Variants in VLDLR observed in about 807,000 individuals in gnomAD.
The protein encoded by VLDLR is very low-density lipoprotein receptor.
Under a neutral mutation model 112.7 loss-of-function variants are expected in VLDLR, and 81 were observed. The observed-to-expected ratio is 0.72, with a 90% CI of 0.60 to 0.86. VLDLR has a LOEUF of 0.86. Among genes scored for constraint, VLDLR ranks in the 40% least tolerant of loss-of-function variants. VLDLR has a pLI of 0.00. For synonymous variants in VLDLR, 436 were observed against 384.8 expected, an observed-to-expected ratio of 1.13 and a Z score of -1.56; for missense variants, 1,237 against 1,099.4, an observed-to-expected ratio of 1.13 and a Z score of -1.77.
At chr9:2,646,262 A>G in intron 10 of VLDLR, 72 bp from the exon 11 acceptor site, 2 of 1,471,942 alleles carry the variant, frequency 1.4e-6, no homozygotes, top group Non-Finnish European at 9.5e-7. Flanking sequence ...ACCATTTTGT[A>G]AGCAAAAAGT....
intron 18 of VLDLR, 114 bp from the exon 19 acceptor site, chr9:2,653,719 C>G (rs34745933): frequency 9.2e-7 from 1 of 1,089,226 alleles, no homozygotes; most frequent in Non-Finnish European, 1.4e-6. Flanking sequence ...GACTTTTCTT[C>G]TAAGCACTCT....
At chr9:2,635,396 G>A (rs1817556067) in intron 1 of VLDLR, 57 bp from the exon 2 acceptor site, 3 of 1,611,638 alleles carry the variant, frequency 1.9e-6, no homozygotes, top group East Asian at 2.2e-5. Flanking sequence ...ATGGGTATTA[G>A]GTATCTTGAA....
chr9:2,628,413 G>T (rs1426683514), intron 1 of VLDLR, among the ~76,000 whole-genome samples: 1 of 152,228 alleles, frequency 6.6e-6, no homozygotes, highest in Non-Finnish European at 1.5e-5. Context: ...GGGGAAGTGA[G>T]TGGGTCCCCT....
intron 16 of VLDLR, 151 bp from the exon 17 acceptor site, chr9:2,651,723 T>TA: frequency 2.2e-6 from 2 of 914,890 alleles, no homozygotes; most frequent in South Asian, 2.9e-5. Context: ...GTGACTCAAA[T>TA]ACTTCTAAGC....
In VLDLR at chr9:2,653,820, T is replaced by G. The variant is rs1818469818; in HGVS notation, c.2587-13T>G. 6.2e-7 allele frequency: 1 copy of G among 1,613,942 alleles called. No individual in the cohort carries two copies. The highest frequency in any genetic ancestry group is 1.1e-5 in the South Asian group (1 of 91,076). ...GATCACCAAGCTCATTCTATACTTCTTCTTTTCCACAGATATCAGTTGTAA... is the reference window on the plus strand; with the variant it reads ...GATCACCAAGCTCATTCTATACTTCGTCTTTTCCACAGATATCAGTTGTAA... On this transcript the variant is annotated splice_polypyrimidine_tract_variant and intron_variant, in intron 18 of 18. Transcript: ENST00000382100.
chr9:2,639,944 C>T lies in VLDLR; in HGVS notation c.288C>T (p.Asp96=). 1 of 1,614,220 alleles carries T rather than the reference C, an allele frequency of 6.2e-7. No individual in the cohort carries two copies. Among genetic ancestry groups the T allele is most frequent in the Non-Finnish European group, 8.5e-7 (1 of 1,180,050 alleles). Reference sequence around the variant, plus strand: ...GATGGAAGTGTGATGGAGATCCTGACTGCGAAGATGGTTCAGATGAAAGCC... The same window carrying T: ...GATGGAAGTGTGATGGAGATCCTGATTGCGAAGATGGTTCAGATGAAAGCC... ...PSRWKCDGDP[D]CEDGSDESPE... is the part of the protein sequence containing the mutation. Residue 96 remains aspartate (D), a synonymous_variant, in exon 3 of 19, where the codon GAC becomes GAT. Coordinates refer to ENST00000382100, the MANE Select transcript of VLDLR (RefSeq NM_003383.5).
At position 2,651,475 on chromosome 9, in the gene VLDLR, C is replaced by T. The variant is rs777236202; in HGVS notation, c.2312C>T (p.Ala771Val). ...TKDTNTTEIS[A>V]TSGLVPGGIN... ...GATACGAACACAACAGAAATTTCAG[C>T]AACTAGTGGACTAGTTCCTGGAGGT... The change falls in exon 16 of 19, where the codon GCA becomes GTA. Residue 771 changes from alanine (A) to valine (V), a missense_variant. By Grantham distance (64) the Ala-to-Val change is moderately conservative. Transcript: ENST00000382100. The T allele has an allele frequency of 1.9e-6, 3 of 1,613,864 alleles. No homozygotes were observed. The highest frequency in any genetic ancestry group is 2.5e-6 in the Non-Finnish European group (3 of 1,179,886).
At chr9:2,648,872 T>C in intron 14 of VLDLR, 62 bp downstream of exon 14, 1 of 1,607,706 alleles carries the variant, frequency 6.2e-7, no homozygotes. Context: ...ACACAGAACC[T>C]GCTGGATGTC....
At position 2,651,670 on chromosome 9, in the gene VLDLR, G is replaced by A. The variant is rs575854964; in HGVS notation, c.2335+172G>A. On this transcript the variant is annotated intron_variant, in intron 16 of 18. Coordinates refer to ENST00000382100, the MANE Select transcript of VLDLR (RefSeq NM_003383.5). ...ATATCTTTTCCTGACTGATCTTAAA[G>A]GTTTCTAGTAGAGAACTGTCAGTGA... Among the ~76,000 whole-genome samples the A allele has an allele frequency of 9.7e-4, 148 of 152,176 alleles. 1 individual carries two copies. The highest frequency in any genetic ancestry group is 1.2e-3 in the Non-Finnish European group (84 of 68,034).
intron 1 of VLDLR, 32 bp from the exon 2 acceptor site, chr9:2,635,421 T>G: frequency 1.9e-6 from 3 of 1,613,522 alleles, no homozygotes; most frequent in Non-Finnish European, 2.5e-6. Flanking sequence ...TAACCAATCC[T>G]TGCTTTACCG....
At chr9:2,633,648 G>A (rs1052585796) in intron 1 of VLDLR, among the ~76,000 whole-genome samples, 13 of 151,768 alleles carry the variant, frequency 8.6e-5, no homozygotes, top group African/African-American at 2.4e-4. Context: ...AGTCTTTACT[G>A]TATCTTAACT....
chr9:2,639,813 G>C (rs758234271), intron 2 of VLDLR, 46 bp from the exon 3 acceptor site: 28 of 1,613,980 alleles, frequency 1.7e-5, no homozygotes, highest in Non-Finnish European at 2.4e-5. Flanking sequence ...AGCTAGGGCT[G>C]TGGGTAAATG....
intron 1 of VLDLR, among the ~76,000 whole-genome samples, chr9:2,631,071 C>T (rs1416491829): frequency 6.6e-6 from 1 of 152,134 alleles, no homozygotes; most frequent in Non-Finnish European, 1.5e-5. Flanking sequence ...AAATCGTTAC[C>T]ATTACTAATC....
intron 2 of VLDLR, among the ~76,000 whole-genome samples, chr9:2,638,557 G>A (rs937495187): frequency 1.3e-5 from 2 of 152,202 alleles, no homozygotes; most frequent in East Asian, 3.8e-4. Context: ...TAAGCTTAGG[G>A]TATCCTGTGT....
intron 13 of VLDLR, 21 bp from the exon 14 acceptor site, chr9:2,648,648 A>G (rs1486697438): frequency 6.2e-7 from 1 of 1,614,062 alleles, no homozygotes; most frequent in African/African-American, 1.3e-5. Context: ...TGTACATGCT[A>G]ATTGTGGGCT....
At chr9:2,651,642 T>C (rs1169374313) in intron 16 of VLDLR, 144 bp downstream of exon 16, 2 of 913,038 alleles carry the variant, frequency 2.2e-6, no homozygotes, top group Non-Finnish European at 1.7e-6. Flanking sequence ...ACTTAAAACT[T>C]GCATATCTTT....
At chr9:2,633,243 C>T (rs970852740) in intron 1 of VLDLR, among the ~76,000 whole-genome samples, 10 of 152,050 alleles carry the variant, frequency 6.6e-5, no homozygotes, top group African/African-American at 2.2e-4. Context: ...CCTGAGTCTC[C>T]TCAATATAGA....
At chr9:2,651,581 C>G in intron 16 of VLDLR, 83 bp downstream of exon 16, 2 of 1,259,768 alleles carry the variant, frequency 1.6e-6, no homozygotes, top group Non-Finnish European at 2.3e-6. Context: ...TTAATGCAGC[C>G]TTTAACTACT....
At chr9:2,624,573 CAG>C (rs1219539618) in intron 1 of VLDLR, among the ~76,000 whole-genome samples, 1 of 152,140 alleles carries the variant, frequency 6.6e-6, no homozygotes, top group Non-Finnish European at 1.5e-5. Flanking sequence ...TCTTTAAGGC[CAG>C]AGTCTAAAAG....
Sources: gnomAD v4.1 joint callset for allele counts (sites outside exome capture counted in the v4.1 genomes callset) on GRCh38, gnomAD v4.1.1 for gene constraint, MANE v1.5 for transcripts, NCBI Gene and HGNC (gene_info 2026-07-23, HGNC 2026-07-21) for gene names.